CLINT1: variants seen among roughly 807,000 people sequenced by gnomAD.
The protein encoded by CLINT1 is clathrin interactor 1.
CLINT1 carries 15 observed loss-of-function variants against 70.4 expected under a neutral mutation model. That is an observed-to-expected ratio of 0.21 (90% CI 0.14 to 0.33). The LOEUF (loss-of-function observed/expected upper bound fraction) is 0.33. Ranked by LOEUF, CLINT1 falls within the 10% of genes least tolerant of loss-of-function variation. CLINT1 has a pLI of 1.00. For synonymous variants in CLINT1, 227 were observed against 254.7 expected (o/e 0.89, Z 1.04); for missense variants, 615 against 778.1 (o/e 0.79, Z 2.49).
At chr5:157,814,756 C>T (rs560253737) in intron 3 of CLINT1, among the ~76,000 whole-genome samples, 1 of 152,166 alleles carries the variant, frequency 6.6e-6, no homozygotes, top group East Asian at 1.9e-4. Flanking sequence ...TGTGGCCAGG[C>T]TCAGCGGCTC....
At chr5:157,789,222 G>T in intron 11 of CLINT1, 141 bp downstream of exon 11, 1 of 732,818 alleles carries the variant, frequency 1.4e-6, no homozygotes, top group African/African-American at 1.8e-5. Context: ...AATATTATGT[G>T]AAAATATCTT....
Position 157,813,082 on chromosome 5 carries a change from A to G in CLINT1, c.498T>C (p.Ser166=). ...ACTCACTGTATCTGAATCCTCCAACACTGTCTGAGGAAACCCCAACATACT... is the reference window on the plus strand; with the variant it reads ...ACTCACTGTATCTGAATCCTCCAACGCTGTCTGAGGAAACCCCAACATACT... The part of the protein sequence containing the change: ...KDKYVGVSSD[S]VGGFRYSERY... Residue 166 remains serine (S), a synonymous_variant, in exon 5 of 12, where the codon AGT becomes AGC. Coordinates refer to ENST00000411809, the MANE Select transcript of CLINT1 (RefSeq NM_014666.4). 1 of 1,613,802 alleles carries G rather than the reference A, an allele frequency of 6.2e-7. No individual in the cohort carries two copies. The highest frequency in any genetic ancestry group is 8.5e-7 in the Non-Finnish European group (1 of 1,179,770).
intron 1 of CLINT1, among the ~76,000 whole-genome samples, chr5:157,850,294 A>C (rs1415102379): frequency 6.6e-6 from 1 of 152,146 alleles, no homozygotes; most frequent in East Asian, 1.9e-4. Context: ...CCCATTCAGT[A>C]CCGAACTTAT....
chr5:157,799,315 G>A (rs1368514179), intron 8 of CLINT1, among the ~76,000 whole-genome samples: 1 of 152,084 alleles, frequency 6.6e-6, no homozygotes, highest in Non-Finnish European at 1.5e-5. Context: ...AACAAGGTGA[G>A]TATTTACATG....
intron 1 of CLINT1, among the ~76,000 whole-genome samples, chr5:157,827,875 T>C (rs939124946): frequency 6.6e-6 from 1 of 152,242 alleles, no homozygotes; most frequent in African/African-American, 2.4e-5. Flanking sequence ...TCATCTTTTA[T>C]GGCTATTTTG....
chr5:157,810,439 G>C (rs113221982), intron 5 of CLINT1, among the ~76,000 whole-genome samples: 651 of 152,322 alleles, frequency 4.3e-3, no homozygotes, highest in Non-Finnish European at 7.4e-3. Context: ...CTAGAATCAG[G>C]AAGTATGCTC....
chr5:157,841,722 G>A (rs1753185145), intron 1 of CLINT1, among the ~76,000 whole-genome samples: 2 of 152,198 alleles, frequency 1.3e-5, no homozygotes, highest in African/African-American at 2.4e-5. Context: ...CGGAGCTCAA[G>A]CAATTCTCCT....
chr5:157,852,518 T>C (rs1455087102), intron 1 of CLINT1, among the ~76,000 whole-genome samples: 2 of 152,224 alleles, frequency 1.3e-5, no homozygotes, highest in African/African-American at 4.8e-5. Context: ...TCCTTTGATT[T>C]TTCTAGTGTT....
intron 1 of CLINT1, among the ~76,000 whole-genome samples, chr5:157,828,892 C>T (rs1145595): frequency 0.13 from 19,001 of 143,870 alleles, 1,634 homozygotes; most frequent in African/African-American, 0.25. Context: ...AGTTCGAGAC[C>T]AGCCTGGCCA....
At chr5:157,845,208 G>A (rs1415597796) in intron 1 of CLINT1, among the ~76,000 whole-genome samples, 2 of 152,038 alleles carry the variant, frequency 1.3e-5, no homozygotes, top group African/African-American at 2.4e-5. Flanking sequence ...AAATAGCCTG[G>A]CGTGGTGGCA....
intron 6 of CLINT1, among the ~76,000 whole-genome samples, chr5:157,806,434 T>C (rs1762386310): frequency 6.6e-6 from 1 of 152,174 alleles, no homozygotes; most frequent in Non-Finnish European, 1.5e-5. Context: ...AAAAATAAAA[T>C]AGGATTTGAT....
In CLINT1 at chr5:157,848,136, G is replaced by C. The variant is rs190590281; in HGVS notation, c.41+10794C>G. On this transcript the variant is annotated intron_variant, in intron 1 of 11. Transcript: ENST00000411809. ...AAATTTTTTTTTGAGATGGAGTCTC[G>C]CTCTGTCGCCCAGGCTGGAGTGGCA... is the stretch of plus-strand genomic sequence containing the variant. 2.0e-5 allele frequency among the ~76,000 whole-genome samples: 3 copies of C among 151,420 alleles called. No individual in the cohort carries two copies. In the South Asian group the frequency reaches 6.3e-4, roughly 32 times the overall value.
chr5:157,792,046 C>A (rs1024074793), intron 9 of CLINT1, 51 bp from the exon 10 acceptor site: 2 of 1,489,202 alleles, frequency 1.3e-6, no homozygotes, highest in African/African-American at 1.4e-5. Context: ...ATGCACAGAA[C>A]AAATGTAACA....
rs376249235 is a variant in CLINT1, at chr5:157,853,826, C to T, written c.41+5104G>A. 2.5e-4 allele frequency among the ~76,000 whole-genome samples: 31 copies of T among 123,078 alleles called. No homozygotes were observed. The East Asian group carries it at 5.6e-3, about 22-fold the overall frequency. The allele number at this position is 123,078 out of a possible 152,430, so 80.7% of individuals were successfully genotyped here. Reference sequence around the variant, plus strand: ...AAGAAAAACTGCTTGTAAACTAATACTAAAGTGTGCAAGAAAACATAAGAG... The same window carrying T: ...AAGAAAAACTGCTTGTAAACTAATATTAAAGTGTGCAAGAAAACATAAGAG... On this transcript the variant is annotated intron_variant, in intron 1 of 11. Transcript: ENST00000411809.
chr5:157,795,206 C>T (rs1299612419), intron 8 of CLINT1: 1 of 462,934 alleles, frequency 2.2e-6, no homozygotes, highest in Non-Finnish European at 3.8e-6. Context: ...GACACTGTAT[C>T]TGTTGTTAAA....
intron 1 of CLINT1, among the ~76,000 whole-genome samples, chr5:157,852,544 TA>T (rs1242176058): frequency 2.6e-5 from 4 of 152,260 alleles, no homozygotes; most frequent in Admixed American, 2.0e-4. Flanking sequence ...GTTTTGTGTG[TA>T]ACAGTAATAA....
At chr5:157,811,279 T>C (rs899232430) in intron 5 of CLINT1, among the ~76,000 whole-genome samples, 1 of 152,048 alleles carries the variant, frequency 6.6e-6, no homozygotes, top group Non-Finnish European at 1.5e-5. Flanking sequence ...CGGTGGCTCA[T>C]GCCTGTAATC....
At chr5:157,801,550 G>C (rs2113160985) in intron 8 of CLINT1, among the ~76,000 whole-genome samples, 1 of 149,126 alleles carries the variant, frequency 6.7e-6, no homozygotes, top group African/African-American at 2.5e-5. Context: ...CCAGATGTCT[G>C]GGCTGGGTGC....
chr5:157,827,113 T>C (rs1042478681), intron 1 of CLINT1, among the ~76,000 whole-genome samples: 1 of 152,148 alleles, frequency 6.6e-6, no homozygotes, highest in Non-Finnish European at 1.5e-5. Context: ...TCCTAAAATA[T>C]AGCTAGCAGA....
Sources: allele counts gnomAD v4.1 joint callset (sites outside exome capture counted in the v4.1 genomes callset), GRCh38; gene constraint gnomAD v4.1.1; transcripts MANE v1.5; gene names NCBI Gene and HGNC (gene_info 2026-07-23, HGNC 2026-07-21).